Variants in SYN2 observed in about 807,000 individuals in gnomAD.
SYN2 encodes synapsin II, also known as synapsin-2.
Under a neutral mutation model 50.9 loss-of-function variants are expected in SYN2, and 19 were observed. The observed-to-expected ratio is 0.37, with a 90% CI of 0.26 to 0.55. The LOEUF (loss-of-function observed/expected upper bound fraction) is 0.55. SYN2 is among the 20% of genes least tolerant of loss of function. The probability of loss-of-function intolerance (pLI) is 0.81; values close to 1 mark genes in which losing one functional copy is unlikely to be tolerated. For synonymous variants in SYN2, 255 were observed against 224.9 expected (o/e 1.13, Z -1.20); for missense variants, 587 against 576.4 (o/e 1.02, Z -0.19).
chr3:12,036,187 G>T (rs1230310545), intron 1 of SYN2, among the ~76,000 whole-genome samples: 4 of 152,036 alleles, frequency 2.6e-5, no homozygotes, highest in African/African-American at 9.7e-5. Flanking sequence ...GCTCCACTAG[G>T]CATTGCTGTA....
chr3:12,106,306 G>A (rs930918562), intron 1 of SYN2, among the ~76,000 whole-genome samples: 1 of 152,090 alleles, frequency 6.6e-6, no homozygotes. Flanking sequence ...GCTTTTAAAG[G>A]GCTGTGTAAT....
At chr3:12,154,586 A>G (rs1236002581) in intron 5 of SYN2, 15 of 851,608 alleles carry the variant, frequency 1.8e-5, no homozygotes, top group Non-Finnish European at 2.7e-5. Flanking sequence ...GGCTCAGTGA[A>G]GGGACCAATA....
intron 1 of SYN2, among the ~76,000 whole-genome samples, chr3:12,064,570 T>A (rs1695172212): frequency 6.6e-6 from 1 of 151,990 alleles, no homozygotes; most frequent in Non-Finnish European, 1.5e-5. Flanking sequence ...GGGCAAAGGA[T>A]TTGAATAGAC....
At chr3:12,180,223 A>G (rs937890279) in intron 10 of SYN2, among the ~76,000 whole-genome samples, 8 of 150,434 alleles carry the variant, frequency 5.3e-5, no homozygotes, top group Non-Finnish European at 8.9e-5. Flanking sequence ...TGTTGGGATT[A>G]CAGGCGTGAG....
In SYN2 at chr3:12,089,144, G is replaced by A. The variant is rs774255631; in HGVS notation, c.378-51507G>A. ...GTATTCCATAAATATATACGTATTC[G>A]TCTGTTCTTATGTTGCTAATAAAGA... On this transcript the variant is annotated intron_variant, in intron 1 of 12. Transcript: ENST00000621198. Among the ~76,000 whole-genome samples the A allele has an allele frequency of 6.6e-5, 10 of 152,184 alleles. No homozygotes were observed. In the East Asian group the frequency reaches 1.2e-3, roughly 18 times the overall value.
Position 12,161,563 on chromosome 3 carries a change from C to G in SYN2, c.792C>G (p.Phe264Leu). Residue 264 changes from phenylalanine to leucine, a missense_variant, in exon 6 of 13, where the codon TTC (phenylalanine) becomes TTG (leucine). Phe to Leu is a conservative substitution (Grantham distance 22, BLOSUM62 0). Coordinates refer to ENST00000621198, the MANE Select transcript of SYN2 (RefSeq NM_133625.6). ...NHKEMLTLPTFPVVVKIGHAH... is the reference protein window; with the variant it reads ...NHKEMLTLPTLPVVVKIGHAH... ...GATTTCAGCTGACACTGCCCACGTT[C>G]CCTGTGGTGGTGAAGATTGGCCACG... The G allele has an allele frequency of 6.2e-7, 1 of 1,614,014 alleles. No individual in the cohort carries two copies. Among genetic ancestry groups the G allele is most frequent in the Non-Finnish European group, 8.5e-7 (1 of 1,179,894 alleles).
At chr3:12,145,965 G>A in intron 4 of SYN2, 130 bp downstream of exon 4, 3 of 1,305,300 alleles carry the variant, frequency 2.3e-6, no homozygotes, top group Non-Finnish European at 3.2e-6. Flanking sequence ...CAGGCCCCTA[G>A]GAGGGTCCTC....
chr3:12,105,220 G>C (rs182648267), intron 1 of SYN2, among the ~76,000 whole-genome samples: 1 of 152,206 alleles, frequency 6.6e-6, no homozygotes, highest in African/African-American at 2.4e-5. Flanking sequence ...TTTGCATCTA[G>C]TCACTGGAGT....
intron 1 of SYN2, among the ~76,000 whole-genome samples, chr3:12,106,736 T>C (rs954081085): frequency 6.6e-6 from 1 of 152,294 alleles, no homozygotes; most frequent in South Asian, 2.1e-4. Flanking sequence ...AGAATAATTA[T>C]ATAATTCAGG....
At chr3:12,057,640 T>C (rs1695023437) in intron 1 of SYN2, among the ~76,000 whole-genome samples, 2 of 152,194 alleles carry the variant, frequency 1.3e-5, no homozygotes, top group African/African-American at 4.8e-5. Context: ...TGATTTTGAT[T>C]ATTGATTTCT....
intron 1 of SYN2, among the ~76,000 whole-genome samples, chr3:12,131,873 G>A (rs1184138508): frequency 2.0e-5 from 3 of 152,030 alleles, no homozygotes; most frequent in African/African-American, 7.2e-5. Flanking sequence ...GGCTGTTGAA[G>A]CCTCCCACAG....
intron 1 of SYN2, among the ~76,000 whole-genome samples, chr3:12,133,561 A>G (rs1227199610): frequency 6.6e-6 from 1 of 152,212 alleles, no homozygotes; most frequent in Non-Finnish European, 1.5e-5. Context: ...CAATCAAGTG[A>G]TTAATTGAAT....
chr3:12,191,192 A>C lies in SYN2; in HGVS notation c.*567A>C. 1 of 983,732 alleles carries C rather than the reference A, an allele frequency of 1.0e-6. No homozygotes were observed. The highest frequency in any genetic ancestry group is 1.2e-6 in the Non-Finnish European group (1 of 828,402). 60.9% of individuals were successfully genotyped at this position (983,732 alleles called of 1,614,324 possible). ...GCTGCTGTGGTGGTGAAGCACCTTGAGTCTGCTGATATTCGGGAGAACAAG... is the reference window on the plus strand; with the variant it reads ...GCTGCTGTGGTGGTGAAGCACCTTGCGTCTGCTGATATTCGGGAGAACAAG... On this transcript the variant is annotated 3_prime_UTR_variant, in exon 13 of 13. Transcript: ENST00000621198.
chr3:12,085,744 A>T (rs759681644), intron 1 of SYN2, among the ~76,000 whole-genome samples: 1 of 152,214 alleles, frequency 6.6e-6, no homozygotes, highest in Non-Finnish European at 1.5e-5. Flanking sequence ...AACTTATGGG[A>T]TGCAGCAAAA....
In SYN2 at chr3:12,158,829, G is replaced by T. The variant is rs747694894; in HGVS notation, c.775-2717G>T. 135 of 1,589,522 alleles carry T rather than the reference G, an allele frequency of 8.5e-5. No individual in the cohort carries two copies. The highest frequency in any genetic ancestry group is 1.0e-4 in the Non-Finnish European group (123 of 1,172,430). Reference sequence around the variant, plus strand: ...GCACCCAGCTTGGCGCGGGCCGAGGGCTCCCAGGCATGACACTGCAGATCC... The same window carrying T: ...GCACCCAGCTTGGCGCGGGCCGAGGTCTCCCAGGCATGACACTGCAGATCC... On this transcript the variant is annotated intron_variant, in intron 5 of 12. Transcript: ENST00000621198.
intron 8 of SYN2, 22 bp from the exon 9 acceptor site, chr3:12,168,354 G>A (rs1697852813): frequency 1.9e-6 from 3 of 1,606,066 alleles, no homozygotes; most frequent in Non-Finnish European, 1.7e-6. Context: ...CCAGCTTCAG[G>A]ACACCTTCCC....
chr3:12,032,844 G>C (rs1421344915), intron 1 of SYN2, among the ~76,000 whole-genome samples: 4 of 68,738 alleles, frequency 5.8e-5, no homozygotes, highest in African/African-American at 2.3e-4. Flanking sequence ...CCGTAGCTCA[G>C]AGTAATTTGA....
chr3:12,079,751 G>A (rs536851360), intron 1 of SYN2, among the ~76,000 whole-genome samples: 1 of 152,242 alleles, frequency 6.6e-6, no homozygotes, highest in East Asian at 1.9e-4. Context: ...CAGGGATATT[G>A]GCCTGAAGTT....
At chr3:12,074,569 G>GTC (rs1192151848) in intron 1 of SYN2, among the ~76,000 whole-genome samples, 1 of 152,122 alleles carries the variant, frequency 6.6e-6, no homozygotes, top group Non-Finnish European at 1.5e-5. Flanking sequence ...CAACTCCGCA[G>GTC]TCTTGTTCTG....
Sources: gnomAD v4.1 joint callset for allele counts (sites outside exome capture counted in the v4.1 genomes callset) on GRCh38, gnomAD v4.1.1 for gene constraint, MANE v1.5 for transcripts, NCBI Gene and HGNC (gene_info 2026-07-23, HGNC 2026-07-21) for gene names.